The following PWWP2A variants were observed in gnomAD, a reference collection of about 807,000 sequenced individuals.
PWWP2A encodes the protein PWWP domain containing 2A.
In PWWP2A, 18 loss-of-function variants were observed where a neutral mutation model predicts 48.5. That is an observed-to-expected ratio of 0.37 (90% CI 0.26 to 0.55). The LOEUF is 0.55. PWWP2A is among the 20% of genes least tolerant of loss of function. The pLI, the probability that PWWP2A is intolerant of heterozygous loss-of-function variation, is 0.81. For missense variants in PWWP2A, 867 were observed against 976.4 expected (o/e 0.89, Z 1.49); for synonymous variants, 396 against 387.7 (o/e 1.02, Z -0.25).
rs751852703 is a variant in PWWP2A, at chr5:160,092,715, G to A, written c.1935C>T (p.Cys645=). ...MKVFSKNVSK[C]VTPDGRTICV... is the part of the protein sequence containing the mutation. ...ATATGGTCCTGCCATCTGGTGTGAC[G>A]CATTTAGAGACGTTTTTGGAAAAGA... Residue 645 remains cysteine, a synonymous_variant, in exon 2 of 2, where the codon TGC becomes TGT. Coordinates refer to ENST00000307063, the MANE Select transcript of PWWP2A (RefSeq NM_001130864.2). The A allele has an allele frequency of 1.3e-4, 195 of 1,551,670 alleles. No homozygotes were observed. Among genetic ancestry groups the A allele is most frequent in the Middle Eastern group, 3.3e-4 (2 of 5,992 alleles).
the PWWP2A span, among the ~76,000 whole-genome samples, chr5:160,045,512 ACATACACACTCTCTCTCTCTCTCT>A: frequency 2.3e-5 from 1 of 42,850 alleles, no homozygotes; most frequent in African/African-American, 1.2e-4. Context: ...ACACACACAC[ACATACACACTCTCTCTCTCTCTCT>A]CTCTCTCTCT....
downstream of PWWP2A, among the ~76,000 whole-genome samples, chr5:160,074,341 G>A (rs1438837044): frequency 6.6e-6 from 1 of 151,928 alleles, no homozygotes; most frequent in Non-Finnish European, 1.5e-5. Flanking sequence ...GGGAGGCTGA[G>A]GCAGGAGAAT....
At chr5:160,074,013 C>A (rs1212593165), downstream of PWWP2A, among the ~76,000 whole-genome samples, 1 of 149,094 alleles carries the variant, frequency 6.7e-6, no homozygotes, top group East Asian at 2.0e-4. Context: ...TGCAGTGAGC[C>A]GAGATCGTGC....
chr5:160,099,031 T>C (rs1035138108), intron 1 of PWWP2A, among the ~76,000 whole-genome samples: 1 of 152,204 alleles, frequency 6.6e-6, no homozygotes, highest in Admixed American at 6.5e-5. Flanking sequence ...GTGTTTGCAG[T>C]GGAAATTCCT....
intron 1 of PWWP2A, among the ~76,000 whole-genome samples, chr5:160,104,434 A>C (rs1327806130): frequency 1.3e-5 from 2 of 151,608 alleles, no homozygotes; most frequent in Admixed American, 6.6e-5. Context: ...TTGCCTCTAA[A>C]AAAAAAAAAG....
chr5:160,046,460 A>G, the PWWP2A span, among the ~76,000 whole-genome samples: 1 of 151,640 alleles, frequency 6.6e-6, no homozygotes, highest in Non-Finnish European at 1.5e-5. Context: ...AAGTCTCTAG[A>G]TCTTAGTTGA....
At chr5:160,052,113 T>C in the PWWP2A span, among the ~76,000 whole-genome samples, 1 of 152,216 alleles carries the variant, frequency 6.6e-6, no homozygotes, top group Non-Finnish European at 1.5e-5. Flanking sequence ...AGACTCAGAC[T>C]GTAAAGACGG....
At chr5:160,075,805 TAAAAAAAAAAAA>T (rs58558222), downstream of PWWP2A, 1 of 69,840 alleles carries the variant, frequency 1.4e-5, no homozygotes, top group African/African-American at 5.7e-5. Context: ...ATTCTAATAG[TAAAAAAAAAAAA>T]AAAAAAAAAA....
intron 2 of PWWP2A, among the ~76,000 whole-genome samples, chr5:160,070,747 A>T (rs1475685068): frequency 3.3e-5 from 5 of 152,162 alleles, no homozygotes; most frequent in African/African-American, 4.8e-5. Flanking sequence ...CATACATCTG[A>T]GCTTCGGCAA....
downstream of PWWP2A, among the ~76,000 whole-genome samples, chr5:160,060,086 A>G (rs1757659039): frequency 6.6e-6 from 1 of 152,210 alleles, no homozygotes; most frequent in Non-Finnish European, 1.5e-5. Flanking sequence ...AGCTAGAGTT[A>G]GCTGCATGCC....
chr5:160,068,669 C>G (rs554084666), intron 2 of PWWP2A, among the ~76,000 whole-genome samples: 1 of 152,148 alleles, frequency 6.6e-6, no homozygotes, highest in East Asian at 1.9e-4. Context: ...AAAATATTAT[C>G]TACTCTTTCT....
rs1755105146 is a variant in PWWP2A at position 160,091,966 on chromosome 5, A to G, written c.*416T>C. The G allele has an allele frequency of 2.4e-5, 21 of 870,930 alleles. No individual in the cohort carries two copies. The highest frequency in any genetic ancestry group is 2.7e-5 in the Non-Finnish European group (20 of 728,596). The allele number at this position is 870,930 out of a possible 1,614,324, so 54.0% of individuals were successfully genotyped here. ...CAGTGACAGGCTGTATTTCATATAT[A>G]TATATGTGTATATATACATATATAT... On this transcript the variant is annotated 3_prime_UTR_variant, in exon 2 of 2. Transcript: ENST00000307063.
intron 1 of PWWP2A, chr5:160,113,169 AAG>A: frequency 7.3e-6 from 7 of 956,118 alleles, no homozygotes; most frequent in Non-Finnish European, 8.7e-6. Flanking sequence ...AAAAAAAAAA[AAG>A]AAAAAAAGCC....
chr5:160,044,398 T>C, the PWWP2A span, among the ~76,000 whole-genome samples: 1 of 152,236 alleles, frequency 6.6e-6, no homozygotes, highest in African/African-American at 2.4e-5. Context: ...TGTGGGCTGC[T>C]CAGTAAAGTA....
At position 160,101,108 on chromosome 5, in the gene PWWP2A, T is replaced by C. The variant is rs1442853707; in HGVS notation, c.585-7043A>G. Among the ~76,000 whole-genome samples, 8 of 152,360 alleles carry C rather than the reference T, an allele frequency of 5.3e-5. No homozygotes were observed. In the South Asian group the frequency reaches 1.4e-3, roughly 28 times the overall value. On this transcript the variant is annotated intron_variant, in intron 1 of 1. Coordinates refer to ENST00000307063, the MANE Select transcript of PWWP2A (RefSeq NM_001130864.2). ...GCTCACACCTGTAATCCCAGCACTC[T>C]GGGAGCCTGAAGCAGGCAGACTGCT...
At chr5:160,096,403 A>G (rs1414598892) in intron 1 of PWWP2A, among the ~76,000 whole-genome samples, 1 of 152,212 alleles carries the variant, frequency 6.6e-6, no homozygotes, top group Admixed American at 6.5e-5. Flanking sequence ...TTTCTTACAC[A>G]GTACATAGGT....
At chr5:160,094,284 C>A (rs1164484303) in intron 1 of PWWP2A, among the ~76,000 whole-genome samples, 4 of 152,112 alleles carry the variant, frequency 2.6e-5, no homozygotes, top group African/African-American at 9.7e-5. Context: ...AAACAGCTGC[C>A]CTAAGCAATG....
the PWWP2A span, among the ~76,000 whole-genome samples, chr5:160,046,600 A>G: frequency 5.3e-5 from 8 of 152,168 alleles, no homozygotes; most frequent in African/African-American, 1.9e-4. Flanking sequence ...GTATATTTCA[A>G]AACATGTTAT....
intron 5 of PWWP2A, among the ~76,000 whole-genome samples, chr5:160,062,784 A>G (rs894624478): frequency 6.7e-6 from 1 of 149,636 alleles, no homozygotes; most frequent in Admixed American, 6.6e-5. Flanking sequence ...CAGTACCAAC[A>G]TTTTCTTGGG....
Sources: gnomAD v4.1 joint callset for allele counts (sites outside exome capture counted in the v4.1 genomes callset) on GRCh38, gnomAD v4.1.1 for gene constraint, MANE v1.5 for transcripts, NCBI Gene and HGNC (gene_info 2026-07-23, HGNC 2026-07-21) for gene names.